Variants in ALMS1 observed in about 807,000 individuals in gnomAD.
The protein encoded by ALMS1 is centrosome-associated protein ALMS1.
In ALMS1, 271 loss-of-function variants were observed where a neutral mutation model predicts 352.2. That is an observed-to-expected ratio of 0.77 (90% CI 0.70 to 0.85). ALMS1 has a LOEUF of 0.85. ALMS1 is among the 40% of genes least tolerant of loss of function. The probability of loss-of-function intolerance (pLI) is 0.00; values close to 1 mark genes in which losing one functional copy is unlikely to be tolerated. For missense variants in ALMS1, 5,445 were observed against 4,870.7 expected (o/e 1.12, Z -3.51); for synonymous variants, 1,865 against 1,761.2 (o/e 1.06, Z -1.48).
rs933990952 is a variant in ALMS1, at chr2:73,520,089, G to C, written c.9781+73G>C. On this transcript the variant is annotated intron_variant, in intron 11 of 22. Transcript: ENST00000613296. Reference sequence around the variant, plus strand: ...GTAGTTATCTTAGAAATTTGTGGTTGTGTCTTTCTAGTCAGAAAACCTAAT... The same window carrying C: ...GTAGTTATCTTAGAAATTTGTGGTTCTGTCTTTCTAGTCAGAAAACCTAAT... The C allele has an allele frequency of 4.4e-6, 7 of 1,595,196 alleles. No individual in the cohort carries two copies. The African/African-American group carries it at 9.4e-5, about 21-fold the overall frequency.
rs552313196 is a variant in ALMS1 at position 73,535,383 on chromosome 2, GA to G, written c.9907+443del. 4.0e-5 allele frequency among the ~76,000 whole-genome samples: 6 copies of G among 150,914 alleles called. No homozygotes were observed. The South Asian group carries it at 6.3e-4, about 16-fold the overall frequency. Reference sequence around the variant, plus strand: ...TTATTTATTTTTGGTTTTGGTTTTTGAAAAAAAAATTTGTTCATAAATAACA... The same window carrying G: ...TTATTTATTTTTGGTTTTGGTTTTTGAAAAAAAATTTGTTCATAAATAACA... On this transcript the variant is annotated intron_variant, in intron 12 of 22. Coordinates refer to ENST00000613296, the MANE Select transcript of ALMS1 (RefSeq NM_001378454.1).
At chr2:73,414,898 GA>G (rs1671155041) in intron 2 of ALMS1, among the ~76,000 whole-genome samples, 1 of 152,028 alleles carries the variant, frequency 6.6e-6, no homozygotes, top group Admixed American at 6.6e-5. Flanking sequence ...ACTTTAAAGT[GA>G]ACATGCATAG....
chr2:73,552,442 G>GT (rs1347604944), intron 13 of ALMS1, among the ~76,000 whole-genome samples: 1 of 152,226 alleles, frequency 6.6e-6, no homozygotes, highest in Non-Finnish European at 1.5e-5. Flanking sequence ...TAAGATCCCA[G>GT]TGTCAGATAC....
At chr2:73,463,547 A>G (rs1163850947) in intron 9 of ALMS1, among the ~76,000 whole-genome samples, 9 of 134,298 alleles carry the variant, frequency 6.7e-5, no homozygotes, top group East Asian at 4.1e-4. Context: ...AAGAACTAGA[A>G]AAGCAAGAGC....
chr2:73,534,922 G>C lies in ALMS1; in HGVS notation c.9880G>C (p.Asp3294His), dbSNP rs200441305. 146 of 1,613,650 alleles carry C rather than the reference G, an allele frequency of 9.0e-5. No individual in the cohort carries two copies. The highest frequency in any genetic ancestry group is 2.0e-5 in the Non-Finnish European group (24 of 1,179,776). The change falls in exon 12 of 23, where the codon GAT (aspartate) becomes CAT (histidine). Residue 3294 changes from aspartate to histidine, a missense_variant. Asp to His is a moderately conservative substitution (Grantham distance 81, BLOSUM62 -1). Coordinates refer to ENST00000613296, the MANE Select transcript of ALMS1 (RefSeq NM_001378454.1). ...TCCTCCATCTCCGGATTCCAAATCAGATACCACCGTTGAAAGCTCCCATTC... is the reference window on the plus strand; with the variant it reads ...TCCTCCATCTCCGGATTCCAAATCACATACCACCGTTGAAAGCTCCCATTC... ...QIPPSPDSKS[D>H]TTVESSHSGS...
chr2:73,602,063 T>G lies in ALMS1; in HGVS notation c.12115-122T>G, dbSNP rs1156992430. ...GAGGATTCTTCAACGCTAGATACTT[T>G]CTCGGCATTTGAATCAGACTTCCCC... is the stretch of plus-strand genomic sequence containing the variant. On this transcript the variant is annotated intron_variant, in intron 19 of 22. Coordinates refer to ENST00000613296, the MANE Select transcript of ALMS1 (RefSeq NM_001378454.1). The G allele has an allele frequency of 6.8e-6, 7 of 1,026,820 alleles. No homozygotes were observed. In the East Asian group the frequency reaches 1.8e-4, roughly 27 times the overall value. 63.6% of individuals were successfully genotyped at this position (1,026,820 alleles called of 1,614,324 possible). A position where few individuals can be genotyped will look rare whatever the true frequency, so the allele number is the denominator to read the frequency against.
At chr2:73,505,237 C>A (rs1345526257) in intron 10 of ALMS1, among the ~76,000 whole-genome samples, 2 of 152,032 alleles carry the variant, frequency 1.3e-5, no homozygotes, top group African/African-American at 4.8e-5. Context: ...GGGTATATAC[C>A]CAGTAATGGG....
chr2:73,541,640 AAG>A, intron 12 of ALMS1, among the ~76,000 whole-genome samples: 1 of 152,236 alleles, frequency 6.6e-6, no homozygotes, highest in Admixed American at 6.5e-5. Context: ...TAAAGAAGAA[AAG>A]AGAGAAGAAT....
chr2:73,431,863 A>C (rs184767954), intron 6 of ALMS1, among the ~76,000 whole-genome samples: 1 of 152,236 alleles, frequency 6.6e-6, no homozygotes, highest in Non-Finnish European at 1.5e-5. Flanking sequence ...TGCGATGATC[A>C]TAAGGAGCAA....
In ALMS1 at chr2:73,452,430, C is replaced by G. The variant is rs1490127694; in HGVS notation, c.5903C>G (p.Ser1968Ter). The change falls in exon 8 of 23, where the codon TCA becomes TGA. Residue 1968 changes from serine (S) to a stop codon, truncating the protein, a stop_gained. Coordinates refer to ENST00000613296, the MANE Select transcript of ALMS1 (RefSeq NM_001378454.1). LOFTEE classifies it high-confidence loss of function. Reference sequence around the variant, plus strand: ...CTCACAGAAGAGGCTCTGAAAGTTTCACCTGTTTCTATACCAGCAGAGCAG... The same window carrying G: ...CTCACAGAAGAGGCTCTGAAAGTTTGACCTGTTTCTATACCAGCAGAGCAG... ...SHLTEEALKV[S>*]PVSIPAEQKT... 1 of 1,613,896 alleles carries G rather than the reference C, an allele frequency of 6.2e-7. No homozygotes were observed. Among genetic ancestry groups the G allele is most frequent in the Non-Finnish European group, 8.5e-7 (1 of 1,179,986 alleles).
At chr2:73,535,039 T>A in intron 12 of ALMS1, 90 bp downstream of exon 12, 1 of 1,527,004 alleles carries the variant, frequency 6.5e-7, no homozygotes, top group Middle Eastern at 1.7e-4. Flanking sequence ...AGTCCAGTGC[T>A]CTTTAATTTT....
At chr2:73,465,585 C>G (rs911077637) in intron 9 of ALMS1, among the ~76,000 whole-genome samples, 1 of 152,138 alleles carries the variant, frequency 6.6e-6, no homozygotes, top group Non-Finnish European at 1.5e-5. Flanking sequence ...TGGGCAAAGA[C>G]TTCATGTCTA....
chr2:73,403,731 T>C (rs1465812632), intron 1 of ALMS1, among the ~76,000 whole-genome samples: 1 of 152,202 alleles, frequency 6.6e-6, no homozygotes, highest in Non-Finnish European at 1.5e-5. Flanking sequence ...AGTAGACAGA[T>C]CTTTTGCCTT....
intron 1 of ALMS1, among the ~76,000 whole-genome samples, chr2:73,400,463 A>C (rs1427645866): frequency 6.6e-6 from 1 of 152,164 alleles, no homozygotes; most frequent in Non-Finnish European, 1.5e-5. Context: ...TCATAGAATG[A>C]TTAAGAAGTA....
chr2:73,449,408 T>G lies in ALMS1; in HGVS notation c.2881T>G (p.Ser961Ala). ...TAATTCTCACTCACATAGCGAGAAATCTAGTGTTTTCTACCAGCAAGAGTT... is the reference window on the plus strand; with the variant it reads ...TAATTCTCACTCACATAGCGAGAAAGCTAGTGTTTTCTACCAGCAAGAGTT... Reference protein sequence around the residue: ...SSNSHSHSEKSSVFYQQELPD... With the variant: ...SSNSHSHSEKASVFYQQELPD... Residue 961 changes from serine to alanine, a missense_variant, in exon 8 of 23, where the codon TCT (serine) becomes GCT (alanine). Physicochemically the swap from Ser to Ala is moderately conservative, Grantham distance 99. Transcript: ENST00000613296. 6.2e-7 allele frequency: 1 copy of G among 1,613,930 alleles called. No individual in the cohort carries two copies. Among genetic ancestry groups the G allele is most frequent in the Non-Finnish European group, 8.5e-7 (1 of 1,179,946 alleles).
chr2:73,593,800 T>C (rs572544632), intron 16 of ALMS1, among the ~76,000 whole-genome samples: 1 of 152,370 alleles, frequency 6.6e-6, no homozygotes, highest in East Asian at 1.9e-4. Context: ...TTTCTGTTTC[T>C]ATGGATTTGC....
chr2:73,501,187 T>A, intron 10 of ALMS1, among the ~76,000 whole-genome samples: 1 of 152,306 alleles, frequency 6.6e-6, no homozygotes, highest in Middle Eastern at 3.4e-3. Context: ...TTTGTCTCAG[T>A]ATTATAGGAA....
At chr2:73,535,549 G>A (rs978701911) in intron 12 of ALMS1, among the ~76,000 whole-genome samples, 1 of 152,150 alleles carries the variant, frequency 6.6e-6, no homozygotes, top group Non-Finnish European at 1.5e-5. Context: ...AGGCACAACA[G>A]CATTGAAAAG....
rs28730854 is a variant in ALMS1, at chr2:73,452,829, C to T, written c.6302C>T (p.Ser2101Leu). ...AGTTCTTATTTTCACAGAGAGAAAT[C>T]GAATATTTTCAGTCCACAGGAATTG... ...LSSSYFHREKSNIFSPQELPG... is the reference protein window; with the variant it reads ...LSSSYFHREKLNIFSPQELPG... Residue 2101 changes from serine to leucine, a missense_variant, in exon 8 of 23, where the codon TCG (serine) becomes TTG (leucine). Transcript: ENST00000613296. The T allele has an allele frequency of 0.031, 49,245 of 1,613,406 alleles. 953 individuals carry two copies. The highest frequency in any genetic ancestry group is 0.07 in the Middle Eastern group (425 of 6,060).
Sources: gnomAD v4.1 joint callset for allele counts (sites outside exome capture counted in the v4.1 genomes callset) on GRCh38, gnomAD v4.1.1 for gene constraint, MANE v1.5 for transcripts, NCBI Gene and HGNC (gene_info 2026-07-23, HGNC 2026-07-21) for gene names.